SLC12A8: variants seen among roughly 807,000 people sequenced by gnomAD.
The protein encoded by SLC12A8 is cation-chloride cotransporter 9.
Under a neutral mutation model 75.6 loss-of-function variants are expected in SLC12A8, and 69 were observed. That is an observed-to-expected ratio of 0.91 (90% CI 0.75 to 1.11). The LOEUF (loss-of-function observed/expected upper bound fraction) is 1.11, where lower values mean the gene tolerates loss of function less well. Ranked by LOEUF, SLC12A8 falls within the 50% of genes most tolerant of loss-of-function variation. SLC12A8 has a pLI of 0.00. For synonymous variants in SLC12A8, 365 were observed against 372.8 expected (o/e 0.98, Z 0.24); for missense variants, 877 against 896.7 (o/e 0.98, Z 0.28).
intron 5 of SLC12A8, among the ~76,000 whole-genome samples, chr3:125,176,860 C>T (rs1212098969): frequency 6.7e-6 from 1 of 149,870 alleles, no homozygotes; most frequent in African/African-American, 2.4e-5. Flanking sequence ...AATAGGAACA[C>T]TTTTACACTG....
At chr3:125,186,536 T>G (rs1934786997) in intron 4 of SLC12A8, among the ~76,000 whole-genome samples, 1 of 152,238 alleles carries the variant, frequency 6.6e-6, no homozygotes, top group African/African-American at 2.4e-5. Flanking sequence ...TGCACTCTCA[T>G]AAAAGCCTTT....
chr3:125,139,269 C>G (rs1031190152), intron 5 of SLC12A8, among the ~76,000 whole-genome samples: 1 of 152,012 alleles, frequency 6.6e-6, no homozygotes, highest in African/African-American at 2.4e-5. Flanking sequence ...AGAACACCCC[C>G]AGTCGTACCT....
intron 5 of SLC12A8, among the ~76,000 whole-genome samples, chr3:125,161,439 A>G (rs757836900): frequency 1.8e-4 from 27 of 152,302 alleles, no homozygotes; most frequent in Admixed American, 9.1e-4. Flanking sequence ...CTGGCCCCAT[A>G]TGTTTGGTTT....
chr3:125,195,772 A>C (rs192393969), intron 2 of SLC12A8, among the ~76,000 whole-genome samples: 24 of 152,272 alleles, frequency 1.6e-4, no homozygotes, highest in Admixed American at 1.2e-3. Context: ...CTCAAAACTC[A>C]GAGCCCAGAG....
At chr3:125,089,964 T>C (rs1300141167) in intron 12 of SLC12A8, among the ~76,000 whole-genome samples, 2 of 152,182 alleles carry the variant, frequency 1.3e-5, no homozygotes, top group African/African-American at 2.4e-5. Flanking sequence ...AAATACTTTG[T>C]AATTTCACTC....
intron 4 of SLC12A8, among the ~76,000 whole-genome samples, chr3:125,184,530 T>G (rs138409790): frequency 2.6e-3 from 400 of 152,142 alleles, no homozygotes; most frequent in African/African-American, 8.9e-3. Context: ...ATCTGGCCCT[T>G]TATAGAAGTT....
In SLC12A8 at chr3:125,108,057, C is replaced by T; in HGVS notation, c.1129G>A (p.Val377Met). 1 of 1,614,212 alleles carries T rather than the reference C, an allele frequency of 6.2e-7. No individual in the cohort carries two copies. Among genetic ancestry groups the T allele is most frequent in the South Asian group, 1.1e-5 (1 of 91,078 alleles). ...GGGGCCAGAACGTTCACTTGACCCA[C>T]AAAAACAAAGGCCATGGTCACCAAG... is the stretch of plus-strand genomic sequence containing the variant. ...TSLVTMAFVF[V>M]GQVNVLAPIV... Residue 377 changes from valine to methionine, a missense_variant, in exon 10 of 14, where the codon GTG (valine) becomes ATG (methionine). Coordinates refer to ENST00000469902, the MANE Select transcript of SLC12A8 (RefSeq NM_024628.6).
chr3:125,168,070 G>T (rs1292333304), intron 5 of SLC12A8, among the ~76,000 whole-genome samples: 1 of 152,216 alleles, frequency 6.6e-6, no homozygotes, highest in Non-Finnish European at 1.5e-5. Flanking sequence ...TTAGGAAATG[G>T]CTGGGGACAA....
chr3:125,140,908 T>C (rs1933615195), intron 5 of SLC12A8, among the ~76,000 whole-genome samples: 1 of 152,060 alleles, frequency 6.6e-6, no homozygotes, highest in Non-Finnish European at 1.5e-5. Context: ...CCAACACTTG[T>C]TTTTTGACCT....
At chr3:125,133,416 A>T (rs1250660584) in intron 6 of SLC12A8, among the ~76,000 whole-genome samples, 2 of 151,856 alleles carry the variant, frequency 1.3e-5, no homozygotes, top group Admixed American at 6.6e-5. Flanking sequence ...TCTGTCACTC[A>T]GGCTGGAGTA....
chr3:125,162,757 A>C (rs1458428715), intron 5 of SLC12A8, among the ~76,000 whole-genome samples: 1 of 152,194 alleles, frequency 6.6e-6, no homozygotes, highest in East Asian at 1.9e-4. Flanking sequence ...CAATACAACA[A>C]GTACCTACCT....
At chr3:125,140,244 G>A (rs1454959260) in intron 5 of SLC12A8, among the ~76,000 whole-genome samples, 1 of 152,212 alleles carries the variant, frequency 6.6e-6, no homozygotes, top group Non-Finnish European at 1.5e-5. Flanking sequence ...CTACGTGCCA[G>A]CCACTGAACA....
intron 5 of SLC12A8, among the ~76,000 whole-genome samples, chr3:125,161,124 C>T (rs1441227172): frequency 1.3e-5 from 2 of 152,192 alleles, no homozygotes; most frequent in African/African-American, 4.8e-5. Context: ...ATCCTCTTGT[C>T]TCGGCAGGGC....
intron 5 of SLC12A8, chr3:125,151,480 C>A (rs1313921769): frequency 6.5e-6 from 1 of 154,188 alleles, no homozygotes; most frequent in African/African-American, 2.4e-5. Context: ...AATCAGATGC[C>A]AAGCTCAGCG....
chr3:125,110,392 C>T (rs1278928096), intron 8 of SLC12A8, 57 bp from the exon 9 acceptor site: 3 of 1,551,286 alleles, frequency 1.9e-6, no homozygotes, highest in Admixed American at 3.5e-5. Flanking sequence ...TGCCTTTCTA[C>T]CCCCCCAGCA....
At chr3:125,118,350 G>A (rs756743457) in intron 8 of SLC12A8, among the ~76,000 whole-genome samples, 6 of 152,164 alleles carry the variant, frequency 3.9e-5, no homozygotes, top group East Asian at 1.9e-4. Flanking sequence ...AAGGCTGGGC[G>A]TGGTGGCTCA....
chr3:125,149,445 G>C (rs1348476175), intron 5 of SLC12A8, among the ~76,000 whole-genome samples: 4 of 152,204 alleles, frequency 2.6e-5, no homozygotes, highest in Non-Finnish European at 5.9e-5. Flanking sequence ...AGGCATGCCT[G>C]CTGCTGGCCA....
intron 7 of SLC12A8, 74 bp from the exon 8 acceptor site, chr3:125,118,930 C>A: frequency 2.0e-6 from 2 of 983,734 alleles, no homozygotes; most frequent in Non-Finnish European, 3.2e-6. Flanking sequence ...CCTCACTCAA[C>A]CTTCTGTTTC....
intron 10 of SLC12A8, among the ~76,000 whole-genome samples, chr3:125,093,169 T>C (rs1360848054): frequency 6.6e-6 from 1 of 152,248 alleles, no homozygotes; most frequent in Admixed American, 6.5e-5. Flanking sequence ...CTAATCACCA[T>C]GAACACCACA....
Sources: gnomAD v4.1 joint callset for allele counts (sites outside exome capture counted in the v4.1 genomes callset) on GRCh38, gnomAD v4.1.1 for gene constraint, MANE v1.5 for transcripts, NCBI Gene and HGNC (gene_info 2026-07-23, HGNC 2026-07-21) for gene names.